MRE11: variants seen among roughly 807,000 people sequenced by gnomAD.
MRE11 encodes the protein MRE11 double strand break repair nuclease.
Under a neutral mutation model 91.7 loss-of-function variants are expected in MRE11, and 62 were observed. The observed-to-expected ratio is 0.68, with a 90% CI of 0.55 to 0.84. The LOEUF is 0.84. MRE11 is among the 40% of genes least tolerant of loss of function. The probability of loss-of-function intolerance (pLI) is 0.00; values close to 1 mark genes in which losing one functional copy is unlikely to be tolerated. For missense variants in MRE11, 796 were observed against 852.9 expected (o/e 0.93, Z 0.83); for synonymous variants, 273 against 271.4 (o/e 1.01, Z -0.06).
intron 2 of MRE11, among the ~76,000 whole-genome samples, chr11:94,492,182 G>C (rs909946244): frequency 1.3e-5 from 2 of 151,798 alleles, no homozygotes; most frequent in African/African-American, 4.8e-5. Flanking sequence ...TCCGCCTCTC[G>C]GGTTCAAATG....
At chr11:94,432,707 G>A (rs1945497233) in intron 18 of MRE11, among the ~76,000 whole-genome samples, 1 of 152,210 alleles carries the variant, frequency 6.6e-6, no homozygotes, top group African/African-American at 2.4e-5. Flanking sequence ...TCGGGAGGCT[G>A]AGGCAGGAGA....
rs786202764 is a variant in MRE11, at chr11:94,464,202, A to AG, written c.1135dup (p.Leu379ProfsTer4). On this transcript the variant is annotated frameshift_variant, in exon 11 of 20. Coordinates refer to ENST00000323929, the MANE Select transcript of MRE11 (RefSeq NM_005591.4). LOFTEE classifies it high-confidence loss of function. ...ATCCACAAATTTCTGGCTAAAGCGA[A>AG]GAACACTGAAAGGTTCAAAACCTCC... 7 of 1,614,044 alleles carry AG rather than the reference A, an allele frequency of 4.3e-6. No individual in the cohort carries two copies. The highest frequency in any genetic ancestry group is 5.9e-6 in the Non-Finnish European group (7 of 1,179,952).
At chr11:94,468,163 A>G (rs778849402) in intron 9 of MRE11, among the ~76,000 whole-genome samples, 2 of 152,186 alleles carry the variant, frequency 1.3e-5, no homozygotes, top group African/African-American at 4.8e-5. Context: ...TCATGTTTCA[A>G]TAAGGCTTTC....
the MRE11 span, among the ~76,000 whole-genome samples, chr11:94,505,722 G>C: frequency 6.6e-6 from 1 of 152,094 alleles, no homozygotes; most frequent in Non-Finnish European, 1.5e-5. Context: ...TAATGTCTTA[G>C]GCCATCACAT....
intron 19 of MRE11, among the ~76,000 whole-genome samples, chr11:94,425,386 C>T (rs1291789523): frequency 6.6e-6 from 1 of 152,074 alleles, no homozygotes; most frequent in African/African-American, 2.4e-5. Context: ...CACCTACTAC[C>T]ACAAAAACAC....
At chr11:94,498,775 A>T, upstream of MRE11, 2 of 495,660 alleles carry the variant, frequency 4.0e-6, no homozygotes, top group East Asian at 3.6e-5. Context: ...TAATGTGTGT[A>T]TACTTAAAAA....
Position 94,470,394 on chromosome 11 carries a change from T to C in MRE11, c.1017+77A>G, listed in dbSNP as rs1288725646. 9.9e-6 allele frequency: 14 copies of C among 1,410,228 alleles called. No individual in the cohort carries two copies. In the South Asian group the frequency reaches 1.2e-4, roughly 12 times the overall value. 87.4% of individuals were successfully genotyped at this position (1,410,228 alleles called of 1,614,324 possible). On this transcript the variant is annotated intron_variant, in intron 9 of 19. Transcript: ENST00000323929. ...AATCAACATAAAGGCTTCCCTCTACTCTATTAAATTACTTAATTGAAGGTG... is the reference window on the plus strand; with the variant it reads ...AATCAACATAAAGGCTTCCCTCTACCCTATTAAATTACTTAATTGAAGGTG...
intron 18 of MRE11, among the ~76,000 whole-genome samples, chr11:94,430,332 C>G (rs954318894): frequency 6.6e-6 from 1 of 152,066 alleles, no homozygotes. Flanking sequence ...ATATTAAGTA[C>G]TACAACAATA....
intron 14 of MRE11, among the ~76,000 whole-genome samples, chr11:94,451,862 C>G (rs1393161046): frequency 3.3e-5 from 5 of 152,034 alleles, no homozygotes; most frequent in African/African-American, 1.2e-4. Flanking sequence ...AGAGAGGGCA[C>G]ACACACACAA....
chr11:94,491,060 G>A (rs1947272528), intron 2 of MRE11, 95 bp from the exon 3 acceptor site: 2 of 803,702 alleles, frequency 2.5e-6, no homozygotes, highest in Admixed American at 5.2e-5. Flanking sequence ...AATAATAACA[G>A]TTATAGAGTA....
intron 10 of MRE11, among the ~76,000 whole-genome samples, chr11:94,465,059 C>CA (rs1946525040): frequency 6.6e-6 from 1 of 152,190 alleles, no homozygotes; most frequent in East Asian, 1.9e-4. Flanking sequence ...TCGACGAATT[C>CA]AAAACCTCAT....
At chr11:94,486,146 C>T in intron 3 of MRE11, 62 bp from the exon 4 acceptor site, 1 of 1,509,594 alleles carries the variant, frequency 6.6e-7, no homozygotes, top group Non-Finnish European at 9.1e-7. Flanking sequence ...TTGTAAACTA[C>T]AGATGAAAGA....
chr11:94,462,192 G>C (rs922306478), intron 11 of MRE11, among the ~76,000 whole-genome samples: 6 of 152,254 alleles, frequency 3.9e-5, no homozygotes, highest in Admixed American at 6.5e-5. Flanking sequence ...GCTTCAAAGA[G>C]AATAAAATAC....
chr11:94,467,760 C>T (rs2135022975), intron 10 of MRE11, 53 bp downstream of exon 10: 1 of 1,439,762 alleles, frequency 6.9e-7, no homozygotes, highest in South Asian at 1.2e-5. Flanking sequence ...GTAAACTGTA[C>T]ATTACTATGC....
intron 2 of MRE11, 170 bp downstream of exon 2, chr11:94,492,612 A>G (rs2135148278): frequency 8.3e-7 from 1 of 1,205,762 alleles, no homozygotes; most frequent in East Asian, 2.5e-5. Context: ...CAGTTAACAA[A>G]CAGATAAATA....
intron 4 of MRE11, 119 bp downstream of exon 4, chr11:94,485,805 A>T: frequency 1.0e-6 from 1 of 961,114 alleles, no homozygotes; most frequent in South Asian, 1.5e-5. Context: ...AAATTCAAAG[A>T]ATGATATTTA....
chr11:94,512,388 T>A, the MRE11 span: 3 of 832,752 alleles, frequency 3.6e-6, no homozygotes, highest in Non-Finnish European at 4.8e-6. Flanking sequence ...GTGCGCGGAA[T>A]ACCTAGGGCC....
rs587782756 is a variant in MRE11, at chr11:94,435,854, T to C, written c.1972A>G (p.Thr658Ala). Reference protein sequence around the residue: ...ESDVEEDIFPTTSKTDQRWSS... With the variant: ...ESDVEEDIFPATSKTDQRWSS... ...TACCTTTGATCTGTCTTTGAAGTGG[T>C]AGGAAAAATGTCTTCTTCCACATCT... The change falls in exon 18 of 20, where the codon ACC (threonine) becomes GCC (alanine). Residue 658 changes from threonine (T) to alanine (A), a missense_variant. Physicochemically the swap from Thr to Ala is moderately conservative, Grantham distance 58. Transcript: ENST00000323929. The C allele has an allele frequency of 4.1e-5, 66 of 1,613,690 alleles. 1 individual carries two copies. The highest frequency in any genetic ancestry group is 1.6e-4 in the Middle Eastern group (1 of 6,080).
At chr11:94,501,650 G>T in the MRE11 span, among the ~76,000 whole-genome samples, 4 of 151,858 alleles carry the variant, frequency 2.6e-5, no homozygotes, top group East Asian at 5.8e-4. Context: ...AGATCTACAT[G>T]CCTGAAATCA....
Sources: gnomAD v4.1 joint callset for allele counts (sites outside exome capture counted in the v4.1 genomes callset) on GRCh38, gnomAD v4.1.1 for gene constraint, MANE v1.5 for transcripts, NCBI Gene and HGNC (gene_info 2026-07-23, HGNC 2026-07-21) for gene names.